Variants in SLC8A2 observed in about 807,000 individuals in gnomAD.
The protein encoded by SLC8A2 is sodium/calcium exchanger 2.
A neutral mutation model predicts 70.2 loss-of-function variants in SLC8A2; 14 were observed. The observed-to-expected ratio is 0.20, with a 90% CI of 0.13 to 0.31. The LOEUF is 0.31. SLC8A2 is among the 10% of genes least tolerant of loss of function. The pLI is 1.00. For synonymous variants in SLC8A2, 575 were observed against 594.3 expected, an observed-to-expected ratio of 0.97 and a Z score of 0.47; for missense variants, 779 against 1,320.1, an observed-to-expected ratio of 0.59 and a Z score of 6.35.
chr19:47,459,614 CATGT>C (rs1289987773), intron 2 of SLC8A2, among the ~76,000 whole-genome samples: 17 of 150,978 alleles, frequency 1.1e-4, no homozygotes, highest in Non-Finnish European at 3.0e-5. Context: ...CTTGTGTGTG[CATGT>C]GTGTATGTGT....
In SLC8A2 at chr19:47,457,147, C is replaced by T; in HGVS notation, c.1123G>A (p.Ala375Thr). ...GNVLRRHAADASRRAAPAEGA... is the reference protein window; with the variant it reads ...GNVLRRHAADTSRRAAPAEGA... Reference sequence around the variant, plus strand: ...TCGGCCGGCGCCGCCCTGCGCGAGGCGTCCGCCGCGTGTCTGCGCAGCACG... The same window carrying T: ...TCGGCCGGCGCCGCCCTGCGCGAGGTGTCCGCCGCGTGTCTGCGCAGCACG... The change falls in exon 3 of 10, where the codon GCC becomes ACC. Residue 375 changes from alanine to threonine, a missense_variant. By Grantham distance (58) the Ala-to-Thr change is moderately conservative. Coordinates refer to ENST00000236877, the MANE Select transcript of SLC8A2 (RefSeq NM_015063.3). 6.5e-7 allele frequency: 1 copy of T among 1,541,848 alleles called. No individual in the cohort carries two copies. The highest frequency in any genetic ancestry group is 8.7e-7 in the Non-Finnish European group (1 of 1,143,798).
chr19:47,447,714 TG>T lies in SLC8A2; in HGVS notation c.1763+94del. On this transcript the variant is annotated intron_variant, in intron 4 of 9. Coordinates refer to ENST00000236877, the MANE Select transcript of SLC8A2 (RefSeq NM_015063.3). This position sits in a 1 kb window ranked among gnomAD's most constrained non-coding sequence, Gnocchi z 5.1. Reference sequence around the variant, plus strand: ...GCCCAACCAAGACCCGCCCACTATGTGGGCATGGCTCACCCAGGCCCCGCCC... The same window carrying T: ...GCCCAACCAAGACCCGCCCACTATGTGGCATGGCTCACCCAGGCCCCGCCC... 1 of 1,287,266 alleles carries T rather than the reference TG, an allele frequency of 7.8e-7. No individual in the cohort carries two copies. Among genetic ancestry groups the T allele is most frequent in the Non-Finnish European group, 1.0e-6 (1 of 978,702 alleles). The allele number at this position is 1,287,266 out of a possible 1,614,324, so 79.7% of individuals were successfully genotyped here. A position where few individuals can be genotyped will look rare whatever the true frequency, so the allele number is the denominator to read the frequency against.
chr19:47,451,636 A>G (rs115712042), intron 3 of SLC8A2, among the ~76,000 whole-genome samples: 299 of 152,336 alleles, frequency 2.0e-3, no homozygotes, highest in African/African-American at 6.9e-3. Context: ...CAAACAATTA[A>G]TCCAAAGATT....
At chr19:47,441,276 C>A in intron 5 of SLC8A2, 61 bp downstream of exon 5, 1 of 1,583,624 alleles carries the variant, frequency 6.3e-7, no homozygotes, top group Non-Finnish European at 8.7e-7. Context: ...CAATTGAGCC[C>A]CTGAAAGTCC....
intron 4 of SLC8A2, among the ~76,000 whole-genome samples, chr19:47,441,925 A>G (rs1471717213): frequency 1.3e-5 from 2 of 152,126 alleles, no homozygotes; most frequent in African/African-American, 4.8e-5. Flanking sequence ...AACATGGTGA[A>G]ACTCTGTCTC....
At position 47,429,672 on chromosome 19, in the gene SLC8A2, A is replaced by C; in HGVS notation, c.*417T>G. Reference sequence around the variant, plus strand: ...AGGGTGGGTTCTGAGGCTCTGGGACATGGGGTGAAGTGGGGGGGGGGTCAC... The same window carrying C: ...AGGGTGGGTTCTGAGGCTCTGGGACCTGGGGTGAAGTGGGGGGGGGGTCAC... On this transcript the variant is annotated 3_prime_UTR_variant, in exon 10 of 10. Transcript: ENST00000236877. The C allele has an allele frequency of 8.2e-6, 1 of 122,546 alleles. No homozygotes were observed. The highest frequency in any genetic ancestry group is 1.6e-5 in the Non-Finnish European group (1 of 63,252). The allele number at this position is 122,546 out of a possible 1,614,324, so 7.6% of individuals were successfully genotyped here.
chr19:47,441,103 G>C, intron 6 of SLC8A2, 66 bp downstream of exon 6: 7 of 1,501,376 alleles, frequency 4.7e-6, no homozygotes, highest in Non-Finnish European at 6.5e-6. Flanking sequence ...TTGGGGCTGG[G>C]ACCCTCCCCC....
intron 1 of SLC8A2, among the ~76,000 whole-genome samples, chr19:47,469,119 C>CGT (rs10670696): frequency 0.45 from 64,076 of 143,046 alleles, 14,971 homozygotes; most frequent in Middle Eastern, 0.54. Flanking sequence ...TGCCTGTGTG[C>CGT]GTGTGTGTGT....
Position 47,454,539 on chromosome 19 carries a change from C to G in SLC8A2, c.1340+2391G>C, listed in dbSNP as rs536346303. Among the ~76,000 whole-genome samples the G allele has an allele frequency of 1.1e-3, 172 of 152,262 alleles. 1 individual carries two copies. Among genetic ancestry groups the G allele is most frequent in the Admixed American group, 5.2e-4 (8 of 15,292 alleles). On this transcript the variant is annotated intron_variant, in intron 3 of 9. Coordinates refer to ENST00000236877, the MANE Select transcript of SLC8A2 (RefSeq NM_015063.3). ...GCACACCATGCACCTGTAGTCCCAG[C>G]TACTTTGGAGGCTGAGGTGGGAGGA... is the stretch of plus-strand genomic sequence containing the variant.
chr19:47,467,099 G>A (rs1002330611), intron 1 of SLC8A2, among the ~76,000 whole-genome samples: 5 of 152,092 alleles, frequency 3.3e-5, no homozygotes, highest in South Asian at 2.1e-4. Flanking sequence ...TTATAATAGC[G>A]CCAATCTTCA....
intron 6 of SLC8A2, among the ~76,000 whole-genome samples, chr19:47,440,842 C>T (rs576985293): frequency 2.6e-5 from 4 of 152,228 alleles, no homozygotes; most frequent in African/African-American, 9.6e-5. Flanking sequence ...CCACTCTCCT[C>T]GGCCTCCCAA....
chr19:47,429,709 A>C lies in SLC8A2; in HGVS notation c.*380T>G. 4.8e-6 allele frequency: 1 copy of C among 207,374 alleles called. No homozygotes were observed. The allele number at this position is 207,374 out of a possible 1,614,324, so 12.8% of individuals were successfully genotyped here. The stretch of plus-strand genomic sequence containing the variant: ...GGGGGGGGGGTCACTAGGGGAAGGG[A>C]GACTTTGGGGGCAAAGCCAGGCTGG... On this transcript the variant is annotated 3_prime_UTR_variant, in exon 10 of 10. Coordinates refer to ENST00000236877, the MANE Select transcript of SLC8A2 (RefSeq NM_015063.3).
intron 2 of SLC8A2, among the ~76,000 whole-genome samples, chr19:47,461,334 C>A (rs1258715034): frequency 1.3e-5 from 2 of 152,038 alleles, no homozygotes; most frequent in African/African-American, 2.4e-5. Context: ...CATGGTGAAA[C>A]CCCATCTCTA....
chr19:47,465,118 A>G lies in SLC8A2; in HGVS notation c.675+611T>C, dbSNP rs1967441510. On this transcript the variant is annotated intron_variant, in intron 2 of 9. Transcript: ENST00000236877. This position sits in a 1 kb window ranked among gnomAD's most constrained non-coding sequence, Gnocchi z 5.5. ...AATGAATTATGCAAACCGTGATTAC[A>G]TATCTGGCAAATGGCTAAATTATGC... is the stretch of plus-strand genomic sequence containing the variant. Among the ~76,000 whole-genome samples, 1 of 152,240 alleles carries G rather than the reference A, an allele frequency of 6.6e-6. No homozygotes were observed. Among genetic ancestry groups the G allele is most frequent in the African/African-American group, 2.4e-5 (1 of 41,476 alleles).
rs144930504 is a variant in SLC8A2, at chr19:47,432,399, C to T, written c.2157G>A (p.Pro719=). The T allele has an allele frequency of 1.1e-4, 172 of 1,611,170 alleles. No individual in the cohort carries two copies. In the African/African-American group the frequency reaches 1.1e-3, roughly 10 times the overall value. Residue 719 remains proline (P), a synonymous_variant, in exon 9 of 10, where the codon CCG becomes CCA. Coordinates refer to ENST00000236877, the MANE Select transcript of SLC8A2 (RefSeq NM_015063.3). This position sits in a 1 kb window ranked among gnomAD's most constrained non-coding sequence, Gnocchi z 6.2. ...EEDGSREERL[P]SCFDYVMHFL... ...AGTGCATCACGTAGTCAAAGCACGA[C>T]GGCAGCCGCTCCTCCCGGGACCCGT...
rs1384997133 is a variant in SLC8A2 at position 47,432,300 on chromosome 19, A to G, written c.2256T>C (p.Phe752=). ...PTEYCHGWAC[F]GVSILVIGLL... is the part of the protein sequence containing the mutation. ...GGCCGATGACCAGGATGGAGACACCAAAGCAGGCCCAGCCGTGGCAGTACT... is the reference window on the plus strand; with the variant it reads ...GGCCGATGACCAGGATGGAGACACCGAAGCAGGCCCAGCCGTGGCAGTACT... The change falls in exon 9 of 10, where the codon TTT becomes TTC. Residue 752 remains phenylalanine (F), a synonymous_variant. Coordinates refer to ENST00000236877, the MANE Select transcript of SLC8A2 (RefSeq NM_015063.3). The surrounding 1 kb of genome is among the most constrained non-coding windows in gnomAD (Gnocchi z 6.2). The G allele has an allele frequency of 6.2e-7, 1 of 1,614,126 alleles. No individual in the cohort carries two copies. Among genetic ancestry groups the G allele is most frequent in the Non-Finnish European group, 8.5e-7 (1 of 1,180,004 alleles).
At position 47,448,764 on chromosome 19, in the gene SLC8A2, G is replaced by A. The variant is rs1967201180; in HGVS notation, c.1341-533C>T. ...GGGATGTCCTGGTCACATTTTAAGT[G>A]GCAGGGATATAGGACCCAGAAAGGA... is the stretch of plus-strand genomic sequence containing the variant. On this transcript the variant is annotated intron_variant, in intron 3 of 9. Coordinates refer to ENST00000236877, the MANE Select transcript of SLC8A2 (RefSeq NM_015063.3). The surrounding 1 kb of genome is among the most constrained non-coding windows in gnomAD (Gnocchi z 4.8). 6.6e-6 allele frequency among the ~76,000 whole-genome samples: 1 copy of A among 152,098 alleles called. No homozygotes were observed. Among genetic ancestry groups the A allele is most frequent in the Admixed American group, 6.5e-5 (1 of 15,276 alleles).
intron 4 of SLC8A2, among the ~76,000 whole-genome samples, chr19:47,441,687 G>T (rs1967101623): frequency 6.6e-6 from 1 of 152,246 alleles, no homozygotes; most frequent in Non-Finnish European, 1.5e-5. Context: ...TGGGTGCGGT[G>T]GCTCATGCCT....
chr19:47,434,658 G>T (rs965891692), intron 8 of SLC8A2, among the ~76,000 whole-genome samples: 9 of 152,130 alleles, frequency 5.9e-5, no homozygotes, highest in African/African-American at 2.2e-4. Context: ...AGCCCACAAG[G>T]AGCTTACAGT....
Sources: gnomAD v4.1 joint callset for allele counts (sites outside exome capture counted in the v4.1 genomes callset) on GRCh38, gnomAD v4.1.1 for gene constraint, Gnocchi (gnomAD v3.1) non-coding constraint, MANE v1.5 for transcripts, NCBI Gene and HGNC (gene_info 2026-07-23, HGNC 2026-07-21) for gene names.